The following IFRD1 variants were observed in gnomAD, a reference collection of about 807,000 sequenced individuals.
IFRD1 encodes interferon-related developmental regulator 1.
Under a neutral mutation model 52.9 loss-of-function variants are expected in IFRD1, and 35 were observed. The observed-to-expected ratio is 0.66, with a 90% confidence interval of 0.51 to 0.88. The LOEUF is 0.88. Among genes scored for constraint, IFRD1 ranks in the 40% least tolerant of loss-of-function variants. The pLI, the probability that IFRD1 is intolerant of heterozygous loss-of-function variation, is 0.00. For synonymous variants in IFRD1, 184 were observed against 188.4 expected (o/e 0.98, Z 0.19); for missense variants, 517 against 550.8 (o/e 0.94, Z 0.61).
At chr7:112,456,512 T>G (rs1795294886) in intron 3 of IFRD1, among the ~76,000 whole-genome samples, 1 of 152,120 alleles carries the variant, frequency 6.6e-6, no homozygotes, top group South Asian at 2.1e-4. Flanking sequence ...CACTATAGCT[T>G]CAGAACTGAC....
At chr7:112,442,537 T>C (rs1190821412) in intron 1 of IFRD1, among the ~76,000 whole-genome samples, 1 of 152,148 alleles carries the variant, frequency 6.6e-6, no homozygotes, top group African/African-American at 2.4e-5. Flanking sequence ...ATGACTGAAC[T>C]CTCCAGGGAG....
At chr7:112,423,660 C>T (rs905931621) in intron 1 of IFRD1, among the ~76,000 whole-genome samples, 2 of 152,012 alleles carry the variant, frequency 1.3e-5, no homozygotes, top group African/African-American at 4.8e-5. Flanking sequence ...AATAGTGGGT[C>T]AGGAAGGTGA....
Position 112,450,588 on chromosome 7 carries a change from G to A in IFRD1, c.-101G>A. On this transcript the variant is annotated 5_prime_UTR_variant, in exon 1 of 12. Coordinates refer to ENST00000403825, the MANE Select transcript of IFRD1 (RefSeq NM_001550.4). The stretch of plus-strand genomic sequence containing the variant: ...CGACTCTGTTGTTAGCCGAAGACTC[G>A]CCTCTCAGCCGCCCGCCGCACAGAC... 1.1e-6 allele frequency: 1 copy of A among 903,230 alleles called. No individual in the cohort carries two copies. Among genetic ancestry groups the A allele is most frequent in the Non-Finnish European group, 1.8e-6 (1 of 548,090 alleles). 56.0% of individuals were successfully genotyped at this position (903,230 alleles called of 1,614,324 possible).
chr7:112,462,834 T>G (rs1294871350), intron 8 of IFRD1, among the ~76,000 whole-genome samples: 1 of 48,768 alleles, frequency 2.1e-5, no homozygotes, highest in Non-Finnish European at 4.7e-5. Context: ...ACACTGCTCA[T>G]TAAGACTGGG....
chr7:112,427,118 A>G (rs939422957), intron 1 of IFRD1, among the ~76,000 whole-genome samples: 2 of 152,256 alleles, frequency 1.3e-5, no homozygotes, highest in Non-Finnish European at 2.9e-5. Context: ...GCTGTCTCAG[A>G]TACTTTTGGT....
In IFRD1 at chr7:112,432,146, T is replaced by A. The variant is rs145501893; in HGVS notation, c.-182+8714T>A. On this transcript the variant is annotated intron_variant, in intron 1 of 12. Coordinates refer to the IFRD1 transcript ENST00000005558. ...AAGGACTTTACATATCCTATTTTCT[T>A]ATATTCATTTGTTTTGAGCATCAAA... 3.9e-5 allele frequency among the ~76,000 whole-genome samples: 6 copies of A among 152,356 alleles called. No homozygotes were observed. The East Asian group carries it at 9.6e-4, about 24-fold the overall frequency.
intron 6 of IFRD1, 21 bp from the exon 7 acceptor site, chr7:112,461,980 C>T (rs1380093015): frequency 6.4e-7 from 1 of 1,574,212 alleles, no homozygotes; most frequent in South Asian, 1.1e-5. Flanking sequence ...GGTTATCTTA[C>T]TTCATATTCT....
intron 1 of IFRD1, among the ~76,000 whole-genome samples, chr7:112,436,488 T>C (rs1285776223): frequency 1.3e-5 from 2 of 152,088 alleles, no homozygotes; most frequent in African/African-American, 2.4e-5. Context: ...TCCATAAATA[T>C]TTACTGACGT....
At chr7:112,442,685 G>A (rs1794922787) in intron 1 of IFRD1, among the ~76,000 whole-genome samples, 1 of 152,190 alleles carries the variant, frequency 6.6e-6, no homozygotes, top group Non-Finnish European at 1.5e-5. Flanking sequence ...ACAGCCACGG[G>A]CCACCTGGTA....
At position 112,468,003 on chromosome 7, in the gene IFRD1, A is replaced by G. The variant is rs199958109; in HGVS notation, c.929A>G (p.Glu310Gly). Residue 310 changes from glutamate to glycine, a missense_variant, in exon 9 of 12, where the codon GAG becomes GGG. Coordinates refer to ENST00000403825, the MANE Select transcript of IFRD1 (RefSeq NM_001550.4). Reference protein sequence around the residue: ...IESDFFYEDMESLTQMLRALA... With the variant: ...IESDFFYEDMGSLTQMLRALA... ...CAGGACTTTTTTTATGAAGACATGG[A>G]GTCCTTGACGCAGATGCTTAGGGCC... The G allele has an allele frequency of 3.1e-6, 5 of 1,614,084 alleles. No homozygotes were observed. The East Asian group carries it at 1.1e-4, about 36-fold the overall frequency.
In IFRD1 at chr7:112,473,660, G is replaced by A. The variant is rs1323790210; in HGVS notation, c.1266+799G>A. On this transcript the variant is annotated intron_variant, in intron 11 of 11. Transcript: ENST00000403825. ...GGCTAGTCTCGAACTCCTGACCTCA[G>A]GTGATCCACCCACTTTGGCCTCCCA... Among the ~76,000 whole-genome samples the A allele has an allele frequency of 2.0e-5, 3 of 152,042 alleles. No individual in the cohort carries two copies. The East Asian group carries it at 5.8e-4, about 29-fold the overall frequency.
At chr7:112,439,956 CAAT>C (rs918166436) in intron 1 of IFRD1, among the ~76,000 whole-genome samples, 2 of 151,822 alleles carry the variant, frequency 1.3e-5, no homozygotes, top group African/African-American at 4.8e-5. Context: ...GGCAGGAAAT[CAAT>C]GATGTCTGCA....
rs200230784 is a variant in IFRD1 at position 112,457,009 on chromosome 7, C to T, written c.380C>T (p.Thr127Ile). ...ATTCTGGAAAGGAGAATGACTTTAA[C>T]TGATAGCATTGAACGCTGCCTGAAA... ...EFILERRMTL[T>I]DSIERCLKKG... The change falls in exon 4 of 12, where the codon ACT becomes ATT. Residue 127 changes from threonine to isoleucine, a missense_variant. Coordinates refer to ENST00000403825, the MANE Select transcript of IFRD1 (RefSeq NM_001550.4). The T allele has an allele frequency of 1.8e-4, 293 of 1,613,838 alleles. No individual in the cohort carries two copies. Among genetic ancestry groups the T allele is most frequent in the Admixed American group, 5.7e-4 (34 of 60,018 alleles).
chr7:112,438,227 T>C (rs1395261340), intron 1 of IFRD1, among the ~76,000 whole-genome samples: 1 of 152,132 alleles, frequency 6.6e-6, no homozygotes, highest in East Asian at 1.9e-4. Context: ...TTACTACTGA[T>C]TTCATAAAAA....
intron 1 of IFRD1, 70 bp downstream of exon 1, chr7:112,450,852 G>C (rs1479904566): frequency 1.5e-5 from 16 of 1,069,080 alleles, no homozygotes; most frequent in South Asian, 2.5e-5. Context: ...GCTTCGGCAC[G>C]GTGGGAGTTG....
chr7:112,469,990 C>A (rs2117330514), intron 9 of IFRD1, among the ~76,000 whole-genome samples: 1 of 151,614 alleles, frequency 6.6e-6, no homozygotes, highest in East Asian at 1.9e-4. Context: ...CTGGAGCACC[C>A]AGCTTCTCGG....
In IFRD1 at chr7:112,472,340, A is replaced by G; in HGVS notation, c.1163A>G (p.His388Arg). The change falls in exon 10 of 12, where the codon CAC (histidine) becomes CGC (arginine). Residue 388 changes from histidine to arginine, a missense_variant. By Grantham distance (29) the His-to-Arg change is conservative. Coordinates refer to ENST00000403825, the MANE Select transcript of IFRD1 (RefSeq NM_001550.4). ...KEVLGSGMQY[H>R]LQSNEFLRNV... Reference sequence around the variant, plus strand: ...GTTCTTGGATCAGGGATGCAGTACCACTTGCAGGTAAGTGTCATCCTTTCT... The same window carrying G: ...GTTCTTGGATCAGGGATGCAGTACCGCTTGCAGGTAAGTGTCATCCTTTCT... 1 of 1,614,040 alleles carries G rather than the reference A, an allele frequency of 6.2e-7. No individual in the cohort carries two copies. The highest frequency in any genetic ancestry group is 8.5e-7 in the Non-Finnish European group (1 of 1,179,916).
At chr7:112,430,829 G>A (rs948038983) in intron 1 of IFRD1, among the ~76,000 whole-genome samples, 1 of 152,144 alleles carries the variant, frequency 6.6e-6, no homozygotes, top group Non-Finnish European at 1.5e-5. Context: ...AGTGGCCTGG[G>A]GTACTCATAC....
rs756529633 is a variant in IFRD1 at position 112,467,932 on chromosome 7, A to G, written c.907-49A>G. 3 of 1,570,448 alleles carry G rather than the reference A, an allele frequency of 1.9e-6. No individual in the cohort carries two copies. In the South Asian group the frequency reaches 3.3e-5, roughly 17 times the overall value. On this transcript the variant is annotated intron_variant, in intron 8 of 11. Transcript: ENST00000403825. Reference sequence around the variant, plus strand: ...TTCTTTGTTAGCTCTATATGAGGTCAGAAAAGAAAAATAATAATAAAGGAA... The same window carrying G: ...TTCTTTGTTAGCTCTATATGAGGTCGGAAAAGAAAAATAATAATAAAGGAA...
Sources: allele counts gnomAD v4.1 joint callset (sites outside exome capture counted in the v4.1 genomes callset), GRCh38; gene constraint gnomAD v4.1.1; transcripts MANE v1.5; gene names NCBI Gene and HGNC (gene_info 2026-07-23, HGNC 2026-07-21).